UNC5D: variants seen among roughly 807,000 people sequenced by gnomAD.
The protein encoded by UNC5D is unc-5 netrin receptor D, also known as netrin receptor UNC5D.
In UNC5D, 39 loss-of-function variants were observed where a neutral mutation model predicts 105.4. The ratio of observed to expected loss-of-function variants is 0.37; its 90% CI spans 0.29 to 0.48. UNC5D has a LOEUF of 0.48. Ranked by LOEUF, UNC5D falls within the 20% of genes least tolerant of loss-of-function variation. The pLI is 0.98. For synonymous variants in UNC5D, 452 were observed against 450.4 expected (o/e 1.00, Z -0.04); for missense variants, 991 against 1,202.4 (o/e 0.82, Z 2.60).
At chr8:35,553,766 A>T (rs1444821625) in intron 2 of UNC5D, among the ~76,000 whole-genome samples, 31 of 152,194 alleles carry the variant, frequency 2.0e-4, no homozygotes, top group Admixed American at 2.0e-3. Context: ...GTATTGAAAA[A>T]TAGATGCATT....
At chr8:35,292,135 A>G (rs2128862525) in intron 1 of UNC5D, among the ~76,000 whole-genome samples, 1 of 152,308 alleles carries the variant, frequency 6.6e-6, no homozygotes, top group South Asian at 2.1e-4. Context: ...AACAACTCTC[A>G]AGCCCCAAAT....
intron 1 of UNC5D, among the ~76,000 whole-genome samples, chr8:35,258,173 A>G (rs1436980127): frequency 6.6e-6 from 1 of 152,116 alleles, no homozygotes; most frequent in Non-Finnish European, 1.5e-5. Flanking sequence ...GGAAGGGAGG[A>G]ACAGTGTTCT....
chr8:35,473,762 A>G (rs117712232), intron 1 of UNC5D, among the ~76,000 whole-genome samples: 2,218 of 152,260 alleles, frequency 0.015, 27 homozygotes, highest in South Asian at 0.038. Context: ...ATTTTTGGCT[A>G]TTTATGGGGT....
intron 13 of UNC5D, among the ~76,000 whole-genome samples, chr8:35,755,509 G>GT (rs1227601193): frequency 6.9e-6 from 1 of 145,090 alleles, no homozygotes; most frequent in Non-Finnish European, 1.5e-5. Context: ...AGTTCAAACA[G>GT]TTTTGTCTCA....
At chr8:35,340,564 T>C (rs1811388585) in intron 1 of UNC5D, among the ~76,000 whole-genome samples, 1 of 152,146 alleles carries the variant, frequency 6.6e-6, no homozygotes, top group East Asian at 1.9e-4. Context: ...CATTTGCAAC[T>C]TACAGAAAAA....
chr8:35,550,787 G>A (rs942486191), intron 2 of UNC5D, among the ~76,000 whole-genome samples: 22 of 152,118 alleles, frequency 1.4e-4, no homozygotes, highest in African/African-American at 4.3e-4. Context: ...ACTTGATAGC[G>A]GTTGAAAGGA....
chr8:35,659,288 A>T (rs1823973463), intron 4 of UNC5D, among the ~76,000 whole-genome samples: 1 of 152,158 alleles, frequency 6.6e-6, no homozygotes, highest in Admixed American at 6.5e-5. Context: ...ATGTCTCAAG[A>T]TCCCTCTCTG....
intron 4 of UNC5D, among the ~76,000 whole-genome samples, chr8:35,655,692 A>G (rs1002523651): frequency 2.6e-5 from 4 of 152,230 alleles, no homozygotes; most frequent in African/African-American, 4.8e-5. Context: ...TATAGACAGC[A>G]AATGTTTTAG....
At chr8:35,602,193 G>T (rs1033654166) in intron 4 of UNC5D, among the ~76,000 whole-genome samples, 1 of 152,066 alleles carries the variant, frequency 6.6e-6, no homozygotes, top group African/African-American at 2.4e-5. Flanking sequence ...TGCTGAGTTT[G>T]GTTTGCCCGT....
intron 8 of UNC5D, among the ~76,000 whole-genome samples, chr8:35,721,845 C>T (rs1056660237): frequency 3.3e-5 from 5 of 152,144 alleles, no homozygotes; most frequent in African/African-American, 4.8e-5. Flanking sequence ...GGTCTGCCCT[C>T]GCTCTGGTAA....
At chr8:35,280,055 G>A (rs1806041716) in intron 1 of UNC5D, among the ~76,000 whole-genome samples, 1 of 152,040 alleles carries the variant, frequency 6.6e-6, no homozygotes, top group Non-Finnish European at 1.5e-5. Context: ...GAATGCAATG[G>A]CATGACCTTG....
intron 1 of UNC5D, among the ~76,000 whole-genome samples, chr8:35,346,138 G>A (rs1385691507): frequency 6.6e-6 from 1 of 151,968 alleles, no homozygotes; most frequent in Non-Finnish European, 1.5e-5. Flanking sequence ...TAGCTTTTGG[G>A]ACAGCATAGG....
chr8:35,515,895 A>AG (rs1350740233), intron 1 of UNC5D, among the ~76,000 whole-genome samples: 1 of 152,110 alleles, frequency 6.6e-6, no homozygotes, highest in Non-Finnish European at 1.5e-5. Context: ...GACTCAGAGA[A>AG]GGGGCTAAAA....
At chr8:35,560,840 C>G (rs962386130) in intron 2 of UNC5D, among the ~76,000 whole-genome samples, 1 of 152,136 alleles carries the variant, frequency 6.6e-6, no homozygotes, top group Non-Finnish European at 1.5e-5. Flanking sequence ...CATGGGGAGC[C>G]TCTGCTGGTA....
Position 35,795,538 on chromosome 8 carries a change from A to ATTATTAGGTCTATTT in UNC5D, c.*4975_*4976insTTATTAGGTCTATTT, listed in dbSNP as rs1170544255. On this transcript the variant is annotated 3_prime_UTR_variant, in exon 17 of 17. Transcript: ENST00000404895. The stretch of plus-strand genomic sequence containing the variant: ...TGCCTTATGACCCCATTACTGAAAC[A>ATTATTAGGTCTATTT]CAGACATTACAATCAGAAATAGACC... The ATTATTAGGTCTATTT allele has an allele frequency of 1.3e-5, 2 of 152,270 alleles. No homozygotes were observed. The highest frequency in any genetic ancestry group is 2.9e-5 in the Non-Finnish European group (2 of 68,026). 9.4% of individuals were successfully genotyped at this position (152,270 alleles called of 1,614,324 possible).
chr8:35,756,845 C>G (rs1321604173), intron 13 of UNC5D, among the ~76,000 whole-genome samples: 1 of 152,116 alleles, frequency 6.6e-6, no homozygotes, highest in Non-Finnish European at 1.5e-5. Context: ...TTGAACAAGT[C>G]ACTTCATTTC....
At position 35,602,933 on chromosome 8, in the gene UNC5D, CT is replaced by C. The variant is rs1305437716; in HGVS notation, c.570+7277del. On this transcript the variant is annotated intron_variant, in intron 4 of 16. Transcript: ENST00000404895. ...GTTCCCCTTCCTGTGTCCATTTGTGCTCATTGTTCAGTTCCCATCTATGAGT... is the reference window on the plus strand; with the variant it reads ...GTTCCCCTTCCTGTGTCCATTTGTGCCATTGTTCAGTTCCCATCTATGAGT... Among the ~76,000 whole-genome samples the C allele has an allele frequency of 1.1e-4, 16 of 139,270 alleles. No individual in the cohort carries two copies. The East Asian group carries it at 3.2e-3, about 28-fold the overall frequency. 91.4% of individuals were successfully genotyped at this position (139,270 alleles called of 152,430 possible). A position where few individuals can be genotyped will look rare whatever the true frequency, so the allele number is the denominator to read the frequency against.
intron 3 of UNC5D, among the ~76,000 whole-genome samples, chr8:35,576,025 C>T (rs1364598432): frequency 6.6e-6 from 1 of 152,186 alleles, no homozygotes; most frequent in African/African-American, 2.4e-5. Flanking sequence ...ACTGTTTTCT[C>T]ACCAGGCCTT....
chr8:35,357,378 T>C (rs1801617107), intron 1 of UNC5D, among the ~76,000 whole-genome samples: 1 of 152,192 alleles, frequency 6.6e-6, no homozygotes, highest in South Asian at 2.1e-4. Context: ...CCTAACAAGC[T>C]TTGCTCATTA....
Sources: gnomAD v4.1 joint callset for allele counts (sites outside exome capture counted in the v4.1 genomes callset) on GRCh38, gnomAD v4.1.1 for gene constraint, MANE v1.5 for transcripts, NCBI Gene and HGNC (gene_info 2026-07-23, HGNC 2026-07-21) for gene names.